Variants in BARX1 observed in about 807,000 individuals in gnomAD.
BARX1 encodes the protein homeobox protein BarH-like 1.
In BARX1, 10 loss-of-function variants were observed where a neutral mutation model predicts 19.6. The observed-to-expected ratio is 0.51, with a 90% CI of 0.31 to 0.86. BARX1 has a LOEUF of 0.86. Ranked by LOEUF, BARX1 falls within the 40% of genes least tolerant of loss-of-function variation. The pLI, the probability that BARX1 is intolerant of heterozygous loss-of-function variation, is 0.04. For synonymous variants in BARX1, 177 were observed against 170.0 expected, an observed-to-expected ratio of 1.04 and a Z score of -0.32; for missense variants, 309 against 360.4, an observed-to-expected ratio of 0.86 and a Z score of 1.15.
intron 1 of BARX1, 141 bp downstream of exon 1, chr9:93,954,783 G>A (rs1464388542): frequency 1.5e-5 from 8 of 544,536 alleles, no homozygotes; most frequent in African/African-American, 6.0e-5. Flanking sequence ...GGAGGGCTCC[G>A]AGAGACGGTC....
rs1829108189 is a variant in BARX1, at chr9:93,952,104, C to T, written c.*60G>A. On this transcript the variant is annotated 3_prime_UTR_variant, in exon 4 of 4. Coordinates refer to ENST00000253968, the MANE Select transcript of BARX1 (RefSeq NM_021570.4). The stretch of plus-strand genomic sequence containing the variant: ...GCGGAAGGGCCGGCTCGCGGGTTTC[C>T]GCCGAGTGAGGGGGCTGCGGGTGGC... 6 of 1,559,066 alleles carry T rather than the reference C, an allele frequency of 3.8e-6. No individual in the cohort carries two copies. The South Asian group carries it at 6.9e-5, about 18-fold the overall frequency.
chr9:93,955,068 G>A lies in BARX1; in HGVS notation c.79C>T (p.Arg27Cys), dbSNP rs1829145967. Reference protein sequence around the residue: ...GCADHRPHRYRSFMIEEILTE... With the variant: ...GCADHRPHRYCSFMIEEILTE... ...AGGATCTCCTCAATCATGAAGCTGC[G>A]ATAGCGGTGCGGCCGGTGGTCCGCG... The change falls in exon 1 of 4, where the codon CGC becomes TGC. Residue 27 changes from arginine to cysteine, a missense_variant. Coordinates refer to ENST00000253968, the MANE Select transcript of BARX1 (RefSeq NM_021570.4). The surrounding 1 kb of genome is among the most constrained non-coding windows in gnomAD (Gnocchi z 4.4). The A allele has an allele frequency of 7.2e-7, 1 of 1,382,366 alleles. No individual in the cohort carries two copies. The highest frequency in any genetic ancestry group is 9.4e-7 in the Non-Finnish European group (1 of 1,063,162). 85.6% of individuals were successfully genotyped at this position (1,382,366 alleles called of 1,614,324 possible).
In BARX1 at chr9:93,952,089, C is replaced by G. The variant is rs1480507675; in HGVS notation, c.*75G>C. ...GTAAACTTCTTGGACGCGGAAGGGC[C>G]GGCTCGCGGGTTTCCGCCGAGTGAG... On this transcript the variant is annotated 3_prime_UTR_variant, in exon 4 of 4. Coordinates refer to ENST00000253968, the MANE Select transcript of BARX1 (RefSeq NM_021570.4). 2.6e-6 allele frequency: 4 copies of G among 1,524,412 alleles called. No individual in the cohort carries two copies. Among genetic ancestry groups the G allele is most frequent in the Non-Finnish European group, 3.5e-6 (4 of 1,136,988 alleles). The allele number at this position is 1,524,412 out of a possible 1,614,324, so 94.4% of individuals were successfully genotyped here.
At position 93,952,135 on chromosome 9, in the gene BARX1, C is replaced by G; in HGVS notation, c.*29G>C. On this transcript the variant is annotated 3_prime_UTR_variant, in exon 4 of 4. Coordinates refer to ENST00000253968, the MANE Select transcript of BARX1 (RefSeq NM_021570.4). ...GTGAGGGGGCTGCGGGTGGCGCGGGCATCCCAGGCCCCGCACCGTATACCG... is the reference window on the plus strand; with the variant it reads ...GTGAGGGGGCTGCGGGTGGCGCGGGGATCCCAGGCCCCGCACCGTATACCG... 1.3e-6 allele frequency: 2 copies of G among 1,592,506 alleles called. No individual in the cohort carries two copies. The highest frequency in any genetic ancestry group is 1.7e-6 in the Non-Finnish European group (2 of 1,174,060).
At chr9:93,952,699 G>A (rs12684081) in intron 3 of BARX1, 30 bp downstream of exon 3, 417,351 of 1,605,510 alleles carry the variant, frequency 0.26, 56,945 homozygotes, top group Admixed American at 0.31. Context: ...CCAGGAAGCT[G>A]AGGGGTGGGA....
At position 93,955,028 on chromosome 9, in the gene BARX1, C is replaced by T. The variant is rs1418324655; in HGVS notation, c.119G>A (p.Gly40Glu). ...MIEEILTEPP[G>E]PKGAAPAAAA... ...GGCTGCGGGCGCGGCGCCCTTGGGC[C>T]CGGGTGGCTCCGTGAGGATCTCCTC... Residue 40 changes from glycine (G) to glutamate (E), a missense_variant, in exon 1 of 4, where the codon GGG becomes GAG. This residue lies in a region of BARX1 where 204 missense variants were observed against 206.8 expected (regional missense o/e 0.99). Transcript: ENST00000253968. This position sits in a 1 kb window ranked among gnomAD's most constrained non-coding sequence, Gnocchi z 4.4. 1.4e-6 allele frequency: 2 copies of T among 1,404,562 alleles called. No homozygotes were observed. The highest frequency in any genetic ancestry group is 5.3e-5 in the Admixed American group (2 of 37,462). 87.0% of individuals were successfully genotyped at this position (1,404,562 alleles called of 1,614,324 possible).
chr9:93,953,133 C>T lies in BARX1; in HGVS notation c.278G>A (p.Gly93Asp), dbSNP rs1484955097. 6.5e-7 allele frequency: 1 copy of T among 1,543,526 alleles called. No individual in the cohort carries two copies. The highest frequency in any genetic ancestry group is 2.2e-5 in the Admixed American group (1 of 46,250). ...AVFKFPLAPL[G>D]CSGLSSALLA... ...CAACGCAGAGCTCAGCCCTGAACAG[C>T]CCAGCGGCGCCAGTGGGAACTTGAA... Residue 93 changes from glycine (G) to aspartate (D), a missense_variant, in exon 2 of 4, where the codon GGC becomes GAC. Coordinates refer to ENST00000253968, the MANE Select transcript of BARX1 (RefSeq NM_021570.4).
chr9:93,953,018 G>T lies in BARX1; in HGVS notation c.393C>A (p.Gly131=). ...LQLRGKLEAA[G]PGEPGTKAKK... ...TGGCTTTGGTGCCTGGCTCCCCAGG[G>T]CCTGCCGCCTCCAGCTTCCCGCGGA... is the stretch of plus-strand genomic sequence containing the variant. The change falls in exon 2 of 4, where the codon GGC becomes GGA. Residue 131 remains glycine (G), a synonymous_variant. Coordinates refer to ENST00000253968, the MANE Select transcript of BARX1 (RefSeq NM_021570.4). 1 of 1,573,478 alleles carries T rather than the reference G, an allele frequency of 6.4e-7. No individual in the cohort carries two copies. Among genetic ancestry groups the T allele is most frequent in the Non-Finnish European group, 8.6e-7 (1 of 1,160,168 alleles).
rs148371345 is a variant in BARX1 at position 93,952,901 on chromosome 9, C to T, written c.510G>A (p.Pro170=). The T allele has an allele frequency of 9.4e-4, 1,499 of 1,600,868 alleles. 2 individuals carry two copies. Among genetic ancestry groups the T allele is most frequent in the Non-Finnish European group, 6.2e-4 (725 of 1,173,358 alleles). Residue 170 remains proline (P), a synonymous_variant, in exon 2 of 4, where the codon CCG becomes CCA. Coordinates refer to ENST00000253968, the MANE Select transcript of BARX1 (RefSeq NM_021570.4). ...RFEKQKYLST[P]DRIDLAESLG... Reference sequence around the variant, plus strand: ...CCAGCCTTGTACCGCCCTACCTGTCCGGCGTGGAAAGGTACTTCTGCTTCT... The same window carrying T: ...CCAGCCTTGTACCGCCCTACCTGTCTGGCGTGGAAAGGTACTTCTGCTTCT...
chr9:93,954,180 G>A (rs755768893), intron 1 of BARX1, among the ~76,000 whole-genome samples: 3 of 152,234 alleles, frequency 2.0e-5, no homozygotes, highest in Non-Finnish European at 2.9e-5. Context: ...TGGAAAGCGA[G>A]ATAGGGAAAG....
At chr9:93,952,573 G>A (rs1231995395) in intron 3 of BARX1, among the ~76,000 whole-genome samples, 156 bp downstream of exon 3, 1 of 152,204 alleles carries the variant, frequency 6.6e-6, no homozygotes, top group Non-Finnish European at 1.5e-5. Flanking sequence ...TTACCCAAGG[G>A]GCAGAAAAAA....
chr9:93,955,115 C>G lies in BARX1; in HGVS notation c.32G>C (p.Arg11Pro). The change falls in exon 1 of 4, where the codon CGC becomes CCC. Residue 11 changes from arginine to proline, a missense_variant. Transcript: ENST00000253968. The surrounding 1 kb of genome is among the most constrained non-coding windows in gnomAD (Gnocchi z 4.4). MQRPGEPGAA[R>P]FGPPEGCADH... is the part of the protein sequence containing the mutation. ...CGCGCAGCCCTCGGGCGGGCCGAAG[C>G]GCGCGGCGCCCGGCTCCCCCGGCCG... is the stretch of plus-strand genomic sequence containing the variant. 1 of 1,237,786 alleles carries G rather than the reference C, an allele frequency of 8.1e-7. No individual in the cohort carries two copies. The highest frequency in any genetic ancestry group is 1.0e-6 in the Non-Finnish European group (1 of 992,076). The allele number at this position is 1,237,786 out of a possible 1,614,324, so 76.7% of individuals were successfully genotyped here.
chr9:93,952,463 C>T (rs533610001), intron 3 of BARX1, 135 bp from the exon 4 acceptor site: 96 of 1,344,842 alleles, frequency 7.1e-5, no homozygotes, highest in Non-Finnish European at 9.4e-5. Context: ...CGGGAAATGG[C>T]GGCCATTTGT....
rs1587810143 is a variant in BARX1, at chr9:93,955,132, C to A, written c.15G>T (p.Gly5=). 2.5e-6 allele frequency: 3 copies of A among 1,185,226 alleles called. No homozygotes were observed. The highest frequency in any genetic ancestry group is 3.1e-6 in the Non-Finnish European group (3 of 961,588). The allele number at this position is 1,185,226 out of a possible 1,614,324, so 73.4% of individuals were successfully genotyped here. A position where few individuals can be genotyped will look rare whatever the true frequency, so the allele number is the denominator to read the frequency against. ...GGCCGAAGCGCGCGGCGCCCGGCTC[C>A]CCCGGCCGCTGCATCGCGGCGCCCA... The part of the protein sequence containing the change: MQRP[G]EPGAARFGPP... The change falls in exon 1 of 4, where the codon GGG becomes GGT. Residue 5 remains glycine (G), a synonymous_variant. Transcript: ENST00000253968. The surrounding 1 kb of genome is among the most constrained non-coding windows in gnomAD (Gnocchi z 4.4).
At chr9:93,953,226 C>CCGGG in intron 1 of BARX1, 39 bp from the exon 2 acceptor site, 2 of 1,460,590 alleles carry the variant, frequency 1.4e-6, no homozygotes, top group Non-Finnish European at 9.0e-7. Context: ...TGAGCTACGG[C>CCGGG]CGCGCTCCTC....
At chr9:93,954,429 G>A (rs973284575) in intron 1 of BARX1, among the ~76,000 whole-genome samples, 2 of 152,246 alleles carry the variant, frequency 1.3e-5, no homozygotes, top group African/African-American at 4.8e-5. Context: ...TCGCCCGCTG[G>A]AGCTCCCGGG....
chr9:93,953,634 G>T (rs914598077), intron 1 of BARX1, among the ~76,000 whole-genome samples: 6 of 152,222 alleles, frequency 3.9e-5, no homozygotes, highest in Non-Finnish European at 8.8e-5. Flanking sequence ...TTGCTCTTCC[G>T]TGCGTGGCAC....
chr9:93,952,398 C>G, intron 3 of BARX1, 70 bp from the exon 4 acceptor site: 1 of 1,541,964 alleles, frequency 6.5e-7, no homozygotes, highest in Non-Finnish European at 8.7e-7. Context: ...AGACTTGAAC[C>G]CAGGTAGGAC....
In BARX1 at chr9:93,954,988, C is replaced by G. The variant is rs947590933; in HGVS notation, c.159G>C (p.Ala53=). 1.4e-6 allele frequency: 2 copies of G among 1,399,402 alleles called. No individual in the cohort carries two copies. The highest frequency in any genetic ancestry group is 3.0e-5 in the African/African-American group (2 of 66,014). 86.7% of individuals were successfully genotyped at this position (1,399,402 alleles called of 1,614,324 possible). ...GCACGCCGAACTTCAGCAGCTCGCC[C>G]GCCGCGGCAGCGGCGGCTGCGGGCG... ...GAAPAAAAAA[A]GELLKFGVQA... The change falls in exon 1 of 4, where the codon GCG becomes GCC. Residue 53 remains alanine, a synonymous_variant. Transcript: ENST00000253968.
Sources: gnomAD v4.1 joint callset for allele counts (sites outside exome capture counted in the v4.1 genomes callset) on GRCh38, gnomAD v4.1.1 for gene constraint, gnomAD v4.1.1 regional missense constraint, Gnocchi (gnomAD v3.1) non-coding constraint, MANE v1.5 for transcripts, NCBI Gene and HGNC (gene_info 2026-07-23, HGNC 2026-07-21) for gene names.